MAL: variants seen among roughly 807,000 people sequenced by gnomAD.
MAL encodes myelin and lymphocyte protein.
MAL carries 5 observed loss-of-function variants against 16.7 expected under a neutral mutation model. The observed-to-expected ratio is 0.30, with a 90% CI of 0.16 to 0.63. The LOEUF (loss-of-function observed/expected upper bound fraction) is 0.63, where lower values mean the gene tolerates loss of function less well. Among genes scored for constraint, MAL ranks in the 30% least tolerant of loss-of-function variants. The probability of loss-of-function intolerance (pLI) is 0.82; values close to 1 mark genes in which losing one functional copy is unlikely to be tolerated. For synonymous variants in MAL, 96 were observed against 85.5 expected, an observed-to-expected ratio of 1.12 and a Z score of -0.67; for missense variants, 202 against 195.8, an observed-to-expected ratio of 1.03 and a Z score of -0.19.
chr2:95,047,888 G>C, intron 1 of MAL, 71 bp from the exon 2 acceptor site: 1 of 1,488,358 alleles, frequency 6.7e-7, no homozygotes, highest in Non-Finnish European at 9.1e-7. Context: ...CCATGTGACC[G>C]CTGGTCGGGG....
chr2:95,032,672 C>T (rs1247746669), intron 1 of MAL, among the ~76,000 whole-genome samples: 1 of 152,164 alleles, frequency 6.6e-6, no homozygotes, highest in African/African-American at 2.4e-5. Flanking sequence ...GAGCATGGAG[C>T]AGGTCCCTCG....
At chr2:95,028,368 AG>A (rs1341146809) in intron 1 of MAL, among the ~76,000 whole-genome samples, 1 of 152,088 alleles carries the variant, frequency 6.6e-6, no homozygotes, top group East Asian at 1.9e-4. Context: ...ATAGAAAGAA[AG>A]AAATCACAAT....
At chr2:95,034,175 C>G (rs1353032289) in intron 1 of MAL, among the ~76,000 whole-genome samples, 2 of 152,190 alleles carry the variant, frequency 1.3e-5, no homozygotes, top group East Asian at 3.9e-4. Flanking sequence ...GTGGAGGGCA[C>G]ACTTGACTTT....
intron 1 of MAL, among the ~76,000 whole-genome samples, chr2:95,038,543 A>G (rs1381282717): frequency 2.0e-5 from 3 of 151,112 alleles, no homozygotes; most frequent in Non-Finnish European, 4.4e-5. Flanking sequence ...TGAGTGACTG[A>G]GTGACTGAGT....
chr2:95,046,078 T>C (rs1674579304), intron 1 of MAL, among the ~76,000 whole-genome samples: 1 of 152,234 alleles, frequency 6.6e-6, no homozygotes, highest in Admixed American at 6.5e-5. Context: ...AAAGTCTTCA[T>C]TGCACTGATT....
intron 1 of MAL, among the ~76,000 whole-genome samples, chr2:95,035,847 T>A (rs1037125107): frequency 1.3e-5 from 2 of 152,044 alleles, no homozygotes; most frequent in African/African-American, 4.8e-5. Flanking sequence ...TTTTTTGTAT[T>A]TTTAGTAGAG....
At chr2:95,046,278 C>T (rs1209093620) in intron 1 of MAL, among the ~76,000 whole-genome samples, 4 of 152,166 alleles carry the variant, frequency 2.6e-5, no homozygotes, top group Admixed American at 6.5e-5. Flanking sequence ...CCTCAGCCCC[C>T]CAGACACTTC....
chr2:95,053,353 C>T, intron 3 of MAL, 28 bp from the exon 4 acceptor site: 1 of 1,526,640 alleles, frequency 6.6e-7, no homozygotes, highest in African/African-American at 1.4e-5. Context: ...TACACAAACC[C>T]ATTAACGGCC....
chr2:95,048,039 G>C lies in MAL; in HGVS notation c.174G>C (p.Val58=), dbSNP rs1393881176. The C allele has an allele frequency of 6.2e-7, 1 of 1,614,022 alleles. No homozygotes were observed. ...WPLVQGWVMF[V]SVFCFVATTT... is the part of the protein sequence containing the mutation. ...TGGTCCAGGGCTGGGTGATGTTCGTGTCTGTGTTCTGCTTCGTGGCCACCA... is the reference window on the plus strand; with the variant it reads ...TGGTCCAGGGCTGGGTGATGTTCGTCTCTGTGTTCTGCTTCGTGGCCACCA... The change falls in exon 2 of 4, where the codon GTG becomes GTC. Residue 58 remains valine (V), a synonymous_variant. Transcript: ENST00000309988.
At chr2:95,045,577 G>A (rs1370332836) in intron 1 of MAL, among the ~76,000 whole-genome samples, 3 of 152,216 alleles carry the variant, frequency 2.0e-5, no homozygotes, top group African/African-American at 4.8e-5. Context: ...CAGAGAAGAC[G>A]TGCAGGACTC....
chr2:95,042,518 G>C (rs892594722), intron 1 of MAL, among the ~76,000 whole-genome samples: 3 of 152,116 alleles, frequency 2.0e-5, no homozygotes, highest in Non-Finnish European at 2.9e-5. Flanking sequence ...CAAGGCCCTG[G>C]GACTCAGAGC....
At chr2:95,027,246 C>A (rs78713623) in intron 1 of MAL, among the ~76,000 whole-genome samples, 1,614 of 152,228 alleles carry the variant, frequency 0.011, 12 homozygotes, top group Middle Eastern at 0.031. Context: ...ATCTGATCTG[C>A]GGGAAAGGTG....
chr2:95,027,756 G>C lies in MAL; in HGVS notation c.93+1871G>C, dbSNP rs552180146. ...AGACGGAGTCTCGCTCTGTCGCCCA[G>C]GCTGGAGTGCAGTGGCGCGATCTTG... On this transcript the variant is annotated intron_variant, in intron 1 of 3. Transcript: ENST00000309988. Among the ~76,000 whole-genome samples, 6 of 152,302 alleles carry C rather than the reference G, an allele frequency of 3.9e-5. No individual in the cohort carries two copies. The South Asian group carries it at 1.2e-3, about 32-fold the overall frequency.
At position 95,052,999 on chromosome 2, in the gene MAL, G is replaced by T. The variant is rs1357510427; in HGVS notation, c.388-382G>T. 2.1e-5 allele frequency: 4 copies of T among 192,256 alleles called. No homozygotes were observed. The East Asian group carries it at 3.9e-4, about 19-fold the overall frequency. The allele number at this position is 192,256 out of a possible 1,614,324, so 11.9% of individuals were successfully genotyped here. On this transcript the variant is annotated intron_variant, in intron 3 of 3. Transcript: ENST00000309988. ...ACCAGGACCACAGCTGGAGGGCGCT[G>T]GTCTCACTGGTGTTGGGGGAGGAAG...
intron 2 of MAL, among the ~76,000 whole-genome samples, chr2:95,048,534 GCCATGCTTACTGTC>G (rs1293440986): frequency 2.6e-5 from 4 of 152,202 alleles, no homozygotes; most frequent in Non-Finnish European, 4.4e-5. Flanking sequence ...TGAGGGTCAG[GCCATGCTTACTGTC>G]CAGCTCCTCA....
At chr2:95,037,400 GTGACTGAGTGAGTGAC>G (rs1674254204) in intron 1 of MAL, among the ~76,000 whole-genome samples, 1 of 150,954 alleles carries the variant, frequency 6.6e-6, no homozygotes, top group African/African-American at 2.5e-5. Flanking sequence ...GAGTGAGTGA[GTGACTGAGTGAGTGAC>G]TGAGTGGGTG....
At chr2:95,035,907 G>C (rs1032852343) in intron 1 of MAL, among the ~76,000 whole-genome samples, 2 of 152,136 alleles carry the variant, frequency 1.3e-5, no homozygotes, top group African/African-American at 4.8e-5. Flanking sequence ...CTGACCTCGT[G>C]ATCCGCTCAC....
rs759806636 is a variant in MAL, at chr2:95,047,961, C to T, written c.96C>T (p.Ile32=). Residue 32 remains isoleucine, a splice_region_variant and synonymous_variant, in exon 2 of 4, where the codon ATC becomes ATT. Transcript: ENST00000309988. ...LPDLLFIFEF[I]FGGLVWILVA... ...TCACCCCTCCTCCTCCCCCGCAGAT[C>T]TTCGGGGGCCTGGTGTGGATCCTGG... The T allele has an allele frequency of 6.2e-6, 10 of 1,613,188 alleles. No homozygotes were observed. Among genetic ancestry groups the T allele is most frequent in the Non-Finnish European group, 8.5e-6 (10 of 1,179,630 alleles).
chr2:95,049,006 T>A (rs1161864920), intron 2 of MAL, among the ~76,000 whole-genome samples: 1 of 151,984 alleles, frequency 6.6e-6, no homozygotes, highest in East Asian at 1.9e-4. Context: ...TGTGTAGAAA[T>A]GGGGATCTAA....
Sources: gnomAD v4.1 joint callset for allele counts (sites outside exome capture counted in the v4.1 genomes callset) on GRCh38, gnomAD v4.1.1 for gene constraint, MANE v1.5 for transcripts, NCBI Gene and HGNC (gene_info 2026-07-23, HGNC 2026-07-21) for gene names.